The following FAT3 variants were observed in gnomAD, a reference collection of about 807,000 sequenced individuals.
FAT3 encodes protocadherin Fat 3.
Under a neutral mutation model 310.2 loss-of-function variants are expected in FAT3, and 95 were observed. The ratio of observed to expected loss-of-function variants is 0.31; its 90% CI spans 0.26 to 0.36. The LOEUF (loss-of-function observed/expected upper bound fraction) is 0.36, where lower values mean the gene tolerates loss of function less well. Among genes scored for constraint, FAT3 ranks in the 10% least tolerant of loss-of-function variants. The pLI is 1.00. For synonymous variants in FAT3, 2,314 were observed against 2,192.9 expected (o/e 1.06, Z -1.54); for missense variants, 5,408 against 5,715.6 (o/e 0.95, Z 1.74).
intron 13 of FAT3, among the ~76,000 whole-genome samples, chr11:92,819,843 A>T (rs1382679264): frequency 6.6e-6 from 1 of 152,186 alleles, no homozygotes; most frequent in African/African-American, 2.4e-5. Flanking sequence ...TACCACAGTG[A>T]CTTGTTGCCT....
chr11:92,486,069 T>C (rs193281198), intron 2 of FAT3, among the ~76,000 whole-genome samples: 8 of 149,336 alleles, frequency 5.4e-5, no homozygotes, highest in African/African-American at 2.0e-4. Flanking sequence ...GGGAAAAATA[T>C]GAATAATTTC....
intron 2 of FAT3, among the ~76,000 whole-genome samples, chr11:92,491,880 C>A (rs561779220): frequency 1.4e-4 from 22 of 151,984 alleles, no homozygotes; most frequent in African/African-American, 5.1e-4. Context: ...TTTCAGTGGG[C>A]ACCTATAAGG....
intron 24 of FAT3, among the ~76,000 whole-genome samples, chr11:92,885,437 G>A (rs2136425705): frequency 6.6e-6 from 1 of 152,264 alleles, no homozygotes; most frequent in South Asian, 2.1e-4. Flanking sequence ...CAGGAAGGAG[G>A]GTGAGCGGTA....
intron 3 of FAT3, among the ~76,000 whole-genome samples, chr11:92,566,191 C>A (rs1462110923): frequency 6.6e-6 from 1 of 152,192 alleles, no homozygotes; most frequent in Non-Finnish European, 1.5e-5. Context: ...AGCATAGTCT[C>A]AGGATACAAA....
intron 1 of FAT3, among the ~76,000 whole-genome samples, chr11:92,315,701 T>G (rs1454623465): frequency 1.3e-5 from 2 of 151,508 alleles, no homozygotes; most frequent in Non-Finnish European, 2.9e-5. Flanking sequence ...TTTTTGTTTT[T>G]CATAGAGACA....
At chr11:92,872,769 A>G (rs918726190) in intron 22 of FAT3, among the ~76,000 whole-genome samples, 6 of 152,202 alleles carry the variant, frequency 3.9e-5, no homozygotes, top group Non-Finnish European at 7.3e-5. Context: ...AAAAAGTCTC[A>G]CCTTCAAATT....
intron 7 of FAT3, among the ~76,000 whole-genome samples, chr11:92,776,633 G>A (rs909018696): frequency 6.6e-6 from 1 of 152,150 alleles, no homozygotes; most frequent in African/African-American, 2.4e-5. Flanking sequence ...CTAGTATACA[G>A]TTAGGCTTAT....
intron 1 of FAT3, among the ~76,000 whole-genome samples, chr11:92,272,027 A>T (rs541919111): frequency 6.6e-6 from 1 of 152,220 alleles, no homozygotes; most frequent in East Asian, 1.9e-4. Flanking sequence ...AACTGAGACC[A>T]ACTCTGTCAA....
rs991813222 is a variant in FAT3, at chr11:92,370,110, G to A, written c.3292+14706G>A. On this transcript the variant is annotated intron_variant, in intron 2 of 27. Coordinates refer to ENST00000525166, the MANE Select transcript of FAT3 (RefSeq NM_001367949.2). ...TCCATATTCTAAAAGTGTAACTTGA[G>A]GGATTTCCCTAAATTATAAGAAGTT... is the stretch of plus-strand genomic sequence containing the variant. 3.9e-5 allele frequency among the ~76,000 whole-genome samples: 6 copies of A among 152,110 alleles called. No homozygotes were observed. In the East Asian group the frequency reaches 9.6e-4, roughly 24 times the overall value.
chr11:92,772,101 G>A (rs3858367), intron 6 of FAT3, among the ~76,000 whole-genome samples: 114,517 of 152,042 alleles, frequency 0.75, 44,207 homozygotes, highest in Non-Finnish European at 0.83. Flanking sequence ...ATTTTAAAAT[G>A]ATCAACATTA....
rs560482121 is a variant in FAT3 at position 92,517,837 on chromosome 11, A to C, written c.3293-6797A>C. 7.9e-5 allele frequency among the ~76,000 whole-genome samples: 12 copies of C among 152,356 alleles called. No homozygotes were observed. In the South Asian group the frequency reaches 2.5e-3, roughly 32 times the overall value. On this transcript the variant is annotated intron_variant, in intron 2 of 27. Transcript: ENST00000525166. ...ATATGAACAGACACTTCTCAAAAGA[A>C]GACATTTATATGGCAAACAAACATA...
chr11:92,593,797 T>C (rs764995716), intron 3 of FAT3, among the ~76,000 whole-genome samples: 3 of 152,230 alleles, frequency 2.0e-5, no homozygotes, highest in Non-Finnish European at 4.4e-5. Flanking sequence ...TGCATGCCAA[T>C]ATAACATATG....
At chr11:92,628,880 G>C (rs992681130) in intron 3 of FAT3, among the ~76,000 whole-genome samples, 2 of 152,114 alleles carry the variant, frequency 1.3e-5, no homozygotes, top group Non-Finnish European at 2.9e-5. Context: ...GTGTGCACAG[G>C]CACACGTGCA....
At chr11:92,347,844 T>G (rs548364259) in intron 1 of FAT3, among the ~76,000 whole-genome samples, 33 of 152,304 alleles carry the variant, frequency 2.2e-4, no homozygotes, top group African/African-American at 7.7e-4. Flanking sequence ...GGGAACTAAG[T>G]GCTTTCTTTA....
At chr11:92,859,036 A>G in intron 20 of FAT3, 129 bp from the exon 21 acceptor site, 1 of 742,056 alleles carries the variant, frequency 1.3e-6, no homozygotes, top group Non-Finnish European at 2.0e-6. Context: ...ATTTCTCCTC[A>G]TTGCCTTCAT....
At chr11:92,519,002 A>G (rs922586263) in intron 2 of FAT3, among the ~76,000 whole-genome samples, 2 of 152,098 alleles carry the variant, frequency 1.3e-5, no homozygotes, top group South Asian at 2.1e-4. Context: ...TCTAATTCCA[A>G]TCAAAATCCT....
chr11:92,871,965 T>TA (rs551618463), intron 22 of FAT3, among the ~76,000 whole-genome samples: 8,583 of 149,090 alleles, frequency 0.058, 268 homozygotes, highest in African/African-American at 0.089. Context: ...AGCCTGCACT[T>TA]AAAAAAAAAA....
intron 3 of FAT3, among the ~76,000 whole-genome samples, chr11:92,652,635 C>T (rs1273903606): frequency 6.6e-6 from 1 of 152,192 alleles, no homozygotes; most frequent in Non-Finnish European, 1.5e-5. Flanking sequence ...TTTCCCTTTG[C>T]TTTAACTGCT....
In FAT3 at chr11:92,401,363, C is replaced by T. The variant is rs751583163; in HGVS notation, c.3292+45959C>T. 9.2e-5 allele frequency among the ~76,000 whole-genome samples: 14 copies of T among 152,100 alleles called. 1 individual carries two copies. Among genetic ancestry groups the T allele is most frequent in the Non-Finnish European group, 2.9e-5 (2 of 68,020 alleles). Reference sequence around the variant, plus strand: ...GGGGAGTAGCCTTCGTGAAACCCTTCCTGACTCTTCTCTCTAACAAAGACC... The same window carrying T: ...GGGGAGTAGCCTTCGTGAAACCCTTTCTGACTCTTCTCTCTAACAAAGACC... On this transcript the variant is annotated intron_variant, in intron 2 of 27. Transcript: ENST00000525166.
Sources: allele counts gnomAD v4.1 joint callset (sites outside exome capture counted in the v4.1 genomes callset), GRCh38; gene constraint gnomAD v4.1.1; transcripts MANE v1.5; gene names NCBI Gene and HGNC (gene_info 2026-07-23, HGNC 2026-07-21).